The following NRXN1 variants were observed in gnomAD, a reference collection of about 807,000 sequenced individuals.
The protein encoded by NRXN1 is neurexin 1.
Under a neutral mutation model 150.9 loss-of-function variants are expected in NRXN1, and 39 were observed. The ratio of observed to expected loss-of-function variants is 0.26; its 90% CI spans 0.20 to 0.34. The LOEUF (loss-of-function observed/expected upper bound fraction) is 0.34, where lower values mean the gene tolerates loss of function less well. Among genes scored for constraint, NRXN1 ranks in the 10% least tolerant of loss-of-function variants. The pLI, the probability that NRXN1 is intolerant of heterozygous loss-of-function variation, is 1.00. For synonymous variants in NRXN1, 924 were observed against 757.0 expected (o/e 1.22, Z -3.62); for missense variants, 1,815 against 1,949.9 (o/e 0.93, Z 1.30).
rs2082124322 is a variant in NRXN1 at position 50,397,494 on chromosome 2, T to C, written c.3364+67948A>G. The stretch of plus-strand genomic sequence containing the variant: ...CGAGTAGGTGCCATTATTACAGCCA[T>C]GTTACAGATGAACGGTGGGTACTAT... On this transcript the variant is annotated intron_variant, in intron 17 of 22. Transcript: ENST00000401669. Among the ~76,000 whole-genome samples the C allele has an allele frequency of 2.0e-5, 3 of 152,124 alleles. No homozygotes were observed. The South Asian group carries it at 6.2e-4, about 32-fold the overall frequency.
In NRXN1 at chr2:50,668,711, C is replaced by T. The variant is rs570015468; in HGVS notation, c.833-45096G>A. Among the ~76,000 whole-genome samples, 31 of 152,004 alleles carry T rather than the reference C, an allele frequency of 2.0e-4. 1 individual carries two copies. In the East Asian group the frequency reaches 2.9e-3, roughly 14 times the overall value. ...CATTCTGATGTGTAAAAGTTTGGAACGCATGGATAGCATTAACAGCATAGG... is the reference window on the plus strand; with the variant it reads ...CATTCTGATGTGTAAAAGTTTGGAATGCATGGATAGCATTAACAGCATAGG... On this transcript the variant is annotated intron_variant, in intron 5 of 22. Coordinates refer to ENST00000401669, the MANE Select transcript of NRXN1 (RefSeq NM_001330078.2).
At chr2:50,302,876 T>C (rs1426147644) in intron 17 of NRXN1, among the ~76,000 whole-genome samples, 1 of 152,082 alleles carries the variant, frequency 6.6e-6, no homozygotes, top group Non-Finnish European at 1.5e-5. Flanking sequence ...TTTTGAAAAA[T>C]AAATCTGCAT....
In NRXN1 at chr2:50,943,980, G is replaced by C. The variant is rs142110079; in HGVS notation, c.773-18025C>G. Among the ~76,000 whole-genome samples, 430 of 152,248 alleles carry C rather than the reference G, an allele frequency of 2.8e-3. 2 individuals are homozygous for C. The highest frequency in any genetic ancestry group is 9.6e-3 in the African/African-American group (398 of 41,552). On this transcript the variant is annotated intron_variant, in intron 2 of 22. Transcript: ENST00000401669. ...ACAAATGATGGAAGGAATTGGAATG[G>C]AGAAACGAAAAACCATCTTGCATCT...
chr2:49,952,333 A>G (rs1674116690), intron 21 of NRXN1, among the ~76,000 whole-genome samples: 1 of 151,994 alleles, frequency 6.6e-6, no homozygotes, highest in South Asian at 2.1e-4. Flanking sequence ...TGTCCTGAAG[A>G]AATACACACA....
chr2:50,139,792 A>AT (rs1707003487), intron 18 of NRXN1, among the ~76,000 whole-genome samples: 1 of 152,150 alleles, frequency 6.6e-6, no homozygotes, highest in Non-Finnish European at 1.5e-5. Context: ...CATTTATAAG[A>AT]TTTTTTGCAA....
At chr2:50,021,531 G>A (rs1332156740) in intron 21 of NRXN1, among the ~76,000 whole-genome samples, 14 of 152,058 alleles carry the variant, frequency 9.2e-5, no homozygotes, top group Admixed American at 5.9e-4. Flanking sequence ...AATGCTTCCC[G>A]TTGAGAAATA....
chr2:50,254,511 T>C (rs1450091427), intron 17 of NRXN1, among the ~76,000 whole-genome samples: 1 of 151,760 alleles, frequency 6.6e-6, no homozygotes, highest in Non-Finnish European at 1.5e-5. Context: ...GATGTTAGGG[T>C]GTCAATTTGA....
At chr2:50,490,966 C>A (rs1257277292) in intron 15 of NRXN1, among the ~76,000 whole-genome samples, 2 of 151,966 alleles carry the variant, frequency 1.3e-5, no homozygotes, top group Non-Finnish European at 2.9e-5. Context: ...AAAAAAGTAA[C>A]CTCAAACAGC....
chr2:50,779,025 T>TC (rs1221350319), intron 5 of NRXN1, among the ~76,000 whole-genome samples: 1 of 152,146 alleles, frequency 6.6e-6, no homozygotes, highest in Non-Finnish European at 1.5e-5. Context: ...ACATTTTTTT[T>TC]CTTCTTCTTT....
chr2:50,366,146 T>C (rs1010474849), intron 17 of NRXN1, among the ~76,000 whole-genome samples: 2 of 134,156 alleles, frequency 1.5e-5, no homozygotes, highest in Admixed American at 1.7e-4. Context: ...TTTTCTCGGC[T>C]GGACACTTTT....
At chr2:50,811,780 A>G (rs909167252) in intron 5 of NRXN1, among the ~76,000 whole-genome samples, 1 of 152,194 alleles carries the variant, frequency 6.6e-6, no homozygotes, top group African/African-American at 2.4e-5. Context: ...AGAGACTTTC[A>G]GAAGGTCAAA....
At chr2:50,849,780 T>C (rs997086372) in intron 5 of NRXN1, among the ~76,000 whole-genome samples, 2 of 152,176 alleles carry the variant, frequency 1.3e-5, no homozygotes, top group African/African-American at 4.8e-5. Context: ...ACTATTTTAA[T>C]TGAATAATGT....
intron 18 of NRXN1, among the ~76,000 whole-genome samples, chr2:50,206,827 T>G (rs1457726726): frequency 1.3e-5 from 2 of 150,924 alleles, no homozygotes; most frequent in Non-Finnish European, 3.0e-5. Flanking sequence ...ATTTTATTTA[T>G]TATGAATTAC....
intron 5 of NRXN1, among the ~76,000 whole-genome samples, chr2:50,788,565 C>T (rs549878684): frequency 3.2e-4 from 48 of 151,856 alleles, no homozygotes; most frequent in Non-Finnish European, 3.8e-4. Context: ...AAGGTACCTA[C>T]TAGTGGCAAA....
intron 5 of NRXN1, among the ~76,000 whole-genome samples, chr2:50,654,395 T>C (rs1168413336): frequency 2.0e-5 from 3 of 152,022 alleles, no homozygotes; most frequent in African/African-American, 4.8e-5. Context: ...TTCCATGGTG[T>C]ATATGTGCCA....
intron 1 of NRXN1, among the ~76,000 whole-genome samples, chr2:51,030,866 T>C (rs1467847167): frequency 6.6e-6 from 1 of 150,874 alleles, no homozygotes; most frequent in Non-Finnish European, 1.5e-5. Context: ...CTCAAGCTCA[T>C]GTGTTAGAAA....
chr2:50,242,345 AAG>A (rs2066082226), intron 17 of NRXN1, among the ~76,000 whole-genome samples: 1 of 151,804 alleles, frequency 6.6e-6, no homozygotes. Context: ...TGTATGCAAA[AAG>A]AGTTTTAGAT....
At chr2:50,826,991 GAGC>G (rs1474751781) in intron 5 of NRXN1, among the ~76,000 whole-genome samples, 13 of 152,300 alleles carry the variant, frequency 8.5e-5, no homozygotes, top group African/African-American at 3.1e-4. Context: ...AGGCCAAGAA[GAGC>G]AGTAGGTATG....
intron 5 of NRXN1, among the ~76,000 whole-genome samples, chr2:50,712,218 T>G (rs983532790): frequency 6.6e-6 from 1 of 152,162 alleles, no homozygotes; most frequent in African/African-American, 2.4e-5. Flanking sequence ...GTTCAACACA[T>G]TATAAACATC....
Sources: allele counts gnomAD v4.1 joint callset (sites outside exome capture counted in the v4.1 genomes callset), GRCh38; gene constraint gnomAD v4.1.1; transcripts MANE v1.5; gene names NCBI Gene and HGNC (gene_info 2026-07-23, HGNC 2026-07-21).